Variants in SUN2 observed in about 807,000 individuals in gnomAD.
The protein encoded by SUN2 is SUN domain-containing protein 2.
SUN2 carries 60 observed loss-of-function variants against 100.0 expected under a neutral mutation model. The observed-to-expected ratio is 0.60, with a 90% CI of 0.49 to 0.74. SUN2 has a LOEUF of 0.74. Ranked by LOEUF, SUN2 falls within the 30% of genes least tolerant of loss-of-function variation. The pLI is 0.00. For synonymous variants in SUN2, 367 were observed against 403.3 expected, an observed-to-expected ratio of 0.91 and a Z score of 1.08; for missense variants, 834 against 954.6, an observed-to-expected ratio of 0.87 and a Z score of 1.66.
rs775442033 is a variant in SUN2 at position 38,738,773 on chromosome 22, A to G, written c.1780-19T>C. 5 of 1,611,638 alleles carry G rather than the reference A, an allele frequency of 3.1e-6. No individual in the cohort carries two copies. The highest frequency in any genetic ancestry group is 4.2e-6 in the Non-Finnish European group (5 of 1,178,710). The stretch of plus-strand genomic sequence containing the variant: ...CATCTGGCTGGAGGAGCAGAAAGTC[A>G]TGTCAGGACAGGGCCCTGAGTCCAG... On this transcript the variant is annotated intron_variant, in intron 15 of 17. Coordinates refer to ENST00000689035, the MANE Select transcript of SUN2 (RefSeq NM_015374.3). This position sits in a 1 kb window ranked among gnomAD's most constrained non-coding sequence, Gnocchi z 6.6.
chr22:38,745,575 G>A lies in SUN2; in HGVS notation c.813+109C>T, dbSNP rs138795703. ...CTTGTAAGATGGCAACTAACAGTAC[G>A]CCTCAGCTTTGTGTGTACGGTGTGA... On this transcript the variant is annotated intron_variant, in intron 8 of 17. Coordinates refer to ENST00000689035, the MANE Select transcript of SUN2 (RefSeq NM_015374.3). 3.7e-4 allele frequency: 521 copies of A among 1,405,674 alleles called. No individual in the cohort carries two copies. In the African/African-American group the frequency reaches 4.0e-3, roughly 11 times the overall value. The allele number at this position is 1,405,674 out of a possible 1,614,324, so 87.1% of individuals were successfully genotyped here.
chr22:38,738,724 A>G lies in SUN2; in HGVS notation c.1810T>C (p.Phe604Leu). The change falls in exon 16 of 18, where the codon TTC (phenylalanine) becomes CTC (leucine). Residue 604 changes from phenylalanine to leucine, a missense_variant. Physicochemically the swap from Phe to Leu is conservative, Grantham distance 22. Around this residue, in one of 3 missense-constraint regions of SUN2, gnomAD observed 195 missense variants for 280.2 expected, o/e 0.70. Transcript: ENST00000689035. This position sits in a 1 kb window ranked among gnomAD's most constrained non-coding sequence, Gnocchi z 6.6. ...ACGGCGAAGCCTTGTGGCCCCTGGA[A>G]GGCCCAGCAGTTGCCTGGGTGCACA... ...PDVHPGNCWA[F>L]QGPQGFAVVR... 6.2e-7 allele frequency: 1 copy of G among 1,613,618 alleles called. No individual in the cohort carries two copies. The highest frequency in any genetic ancestry group is 2.2e-5 in the East Asian group (1 of 44,868).
intron 7 of SUN2, among the ~76,000 whole-genome samples, chr22:38,746,741 CACTG>C (rs1416244126): frequency 1.3e-5 from 2 of 152,240 alleles, no homozygotes; most frequent in East Asian, 1.9e-4. Flanking sequence ...TATAAAGAAT[CACTG>C]ACTGGGCCGG....
chr22:38,739,556 T>G lies in SUN2; in HGVS notation c.1579-130A>C. ...TGCACTGTGCTGGTGCCCAGGCAGA[T>G]GTGGGCACACTGCCACCCACCCATG... On this transcript the variant is annotated intron_variant, in intron 13 of 17. Transcript: ENST00000689035. The surrounding 1 kb of genome is among the most constrained non-coding windows in gnomAD (Gnocchi z 6.7). The G allele has an allele frequency of 7.7e-7, 1 of 1,303,432 alleles. No individual in the cohort carries two copies. Among genetic ancestry groups the G allele is most frequent in the Non-Finnish European group, 1.1e-6 (1 of 923,870 alleles). 80.7% of individuals were successfully genotyped at this position (1,303,432 alleles called of 1,614,324 possible).
At chr22:38,754,419 G>C (rs1376256015) in intron 1 of SUN2, among the ~76,000 whole-genome samples, 2 of 152,246 alleles carry the variant, frequency 1.3e-5, no homozygotes, top group Non-Finnish European at 2.9e-5. Flanking sequence ...AGTCCAGCTA[G>C]AAAGTCCTCC....
chr22:38,750,611 G>A (rs2092937805), intron 4 of SUN2, among the ~76,000 whole-genome samples: 1 of 152,380 alleles, frequency 6.6e-6, no homozygotes, highest in Non-Finnish European at 1.5e-5. Flanking sequence ...CCCACCATGT[G>A]TGAGCCCCAC....
chr22:38,736,351 C>T lies in SUN2; in HGVS notation c.2070G>A (p.Val690=), dbSNP rs1180778648. 6.2e-7 allele frequency: 1 copy of T among 1,613,952 alleles called. No homozygotes were observed. The highest frequency in any genetic ancestry group is 1.1e-5 in the South Asian group (1 of 91,070). Residue 690 remains valine (V), a synonymous_variant, in exon 18 of 18, where the codon GTG becomes GTA. Transcript: ENST00000689035. Reference sequence around the variant, plus strand: ...CCCAGTTAGTCAGGATCCGCAGCTCCACCACCTGGTACGTGGCCATCGTAG... The same window carrying T: ...CCCAGTTAGTCAGGATCCGCAGCTCTACCACCTGGTACGTGGCCATCGTAG... ...QAPTMATYQV[V]ELRILTNWGH...
rs1569296685 is a variant in SUN2, at chr22:38,740,346, GCC to G, written c.1275_1276del (p.Ala426GlyfsTer115). On this transcript the variant is annotated frameshift_variant, in exon 12 of 18. Coordinates refer to ENST00000689035, the MANE Select transcript of SUN2 (RefSeq NM_015374.3). LOFTEE classifies it high-confidence loss of function. The surrounding 1 kb of genome is among the most constrained non-coding windows in gnomAD (Gnocchi z 4.8). ...CGAGCTCTGCTTCAGTGCCAGAGCC[GCC>G]AGCTCCTGCTGCAGGCCGGCCAGCT... 1 of 1,585,776 alleles carries G rather than the reference GCC, an allele frequency of 6.3e-7. No individual in the cohort carries two copies. The highest frequency in any genetic ancestry group is 8.6e-7 in the Non-Finnish European group (1 of 1,166,482).
chr22:38,742,705 T>C, intron 8 of SUN2, 150 bp from the exon 9 acceptor site: 1 of 1,049,278 alleles, frequency 9.5e-7, no homozygotes, highest in Non-Finnish European at 1.3e-6. Context: ...CTGGAGCTCG[T>C]GGGCAGGGGC....
Position 38,755,405 on chromosome 22 carries a change from A to G in SUN2, c.-38+358T>C. 1 of 1,003,020 alleles carries G rather than the reference A, an allele frequency of 1.0e-6. No homozygotes were observed. The allele number at this position is 1,003,020 out of a possible 1,614,324, so 62.1% of individuals were successfully genotyped here. ...TGAGGCCCTGAGTTCTGACAGGCAG[A>G]GGCTGGGAACTGCCTGTCCCTGGAA... is the stretch of plus-strand genomic sequence containing the variant. On this transcript the variant is annotated intron_variant, in intron 1 of 17. Coordinates refer to ENST00000689035, the MANE Select transcript of SUN2 (RefSeq NM_015374.3). This position sits in a 1 kb window ranked among gnomAD's most constrained non-coding sequence, Gnocchi z 5.7.
chr22:38,745,811 C>T lies in SUN2; in HGVS notation c.686G>A (p.Gly229Asp). ...CCCATAGGGGTAGAAATACCAAGCA[C>T]CTGTGCACAGGGGAGAGGGTGTTAC... ...PLLLLTCLTY[G>D]AWYFYPYGLQ... Residue 229 changes from glycine (G) to aspartate (D), a missense_variant and splice_region_variant, in exon 8 of 18, where the codon GGT becomes GAT. Gly to Asp is a moderately conservative substitution (Grantham distance 94). Transcript: ENST00000689035. The T allele has an allele frequency of 6.2e-7, 1 of 1,613,754 alleles. No homozygotes were observed. The highest frequency in any genetic ancestry group is 8.5e-7 in the Non-Finnish European group (1 of 1,179,920).
intron 9 of SUN2, 54 bp downstream of exon 9, chr22:38,742,247 A>C: frequency 6.5e-7 from 1 of 1,529,802 alleles, no homozygotes; most frequent in Non-Finnish European, 8.8e-7. Flanking sequence ...GGGCACCTTC[A>C]CGCTTTCCTA....
Position 38,740,040 on chromosome 22 carries a change from G to A in SUN2, c.1357-97C>T, listed in dbSNP as rs1191966522. On this transcript the variant is annotated intron_variant, in intron 12 of 17. Transcript: ENST00000689035. The surrounding 1 kb of genome is among the most constrained non-coding windows in gnomAD (Gnocchi z 4.8). The stretch of plus-strand genomic sequence containing the variant: ...TGCTTAGCTGGATAGCAGGGATAGG[G>A]TAGGAGGGAGGCCACTGGAGGAAAG... 7 of 1,400,526 alleles carry A rather than the reference G, an allele frequency of 5.0e-6. No homozygotes were observed. Among genetic ancestry groups the A allele is most frequent in the Non-Finnish European group, 6.8e-6 (7 of 1,027,936 alleles). 86.8% of individuals were successfully genotyped at this position (1,400,526 alleles called of 1,614,324 possible). A position where few individuals can be genotyped will look rare whatever the true frequency, so the allele number is the denominator to read the frequency against.
chr22:38,742,565 CAG>C lies in SUN2; in HGVS notation c.814-12_814-11del, dbSNP rs747049348. The stretch of plus-strand genomic sequence containing the variant: ...TAACACGCTGCTCAGCCTGGAAGGG[CAG>C]AGAGAGAGCCACGGAGTGAGGGACC... On this transcript the variant is annotated splice_polypyrimidine_tract_variant and intron_variant, in intron 8 of 17. Coordinates refer to ENST00000689035, the MANE Select transcript of SUN2 (RefSeq NM_015374.3). The C allele has an allele frequency of 1.2e-6, 2 of 1,602,144 alleles. No individual in the cohort carries two copies. The highest frequency in any genetic ancestry group is 8.5e-7 in the Non-Finnish European group (1 of 1,172,628).
chr22:38,738,259 C>G lies in SUN2; in HGVS notation c.1954G>C (p.Asp652His). ...APKDFAIFGF[D>H]EDLQQEGTLL... ...GTCCCCTCCTGCTGCAGGTCTTCGT[C>G]AAACCCCTGCAAAGAGAGCGGAGGG... The change falls in exon 17 of 18, where the codon GAC (aspartate) becomes CAC (histidine). Residue 652 changes from aspartate to histidine, a missense_variant. By Grantham distance (81) the Asp-to-His change is moderately conservative. This residue lies in a region of SUN2 where 195 missense variants were observed against 280.2 expected (regional missense o/e 0.70). Transcript: ENST00000689035. This position sits in a 1 kb window ranked among gnomAD's most constrained non-coding sequence, Gnocchi z 6.6. The G allele has an allele frequency of 6.2e-7, 1 of 1,613,614 alleles. No homozygotes were observed. Among genetic ancestry groups the G allele is most frequent in the Non-Finnish European group, 8.5e-7 (1 of 1,179,834 alleles).
chr22:38,739,060 C>T lies in SUN2; in HGVS notation c.1664-72G>A. 6.9e-7 allele frequency: 1 copy of T among 1,450,722 alleles called. No individual in the cohort carries two copies. The highest frequency in any genetic ancestry group is 2.5e-5 in the East Asian group (1 of 40,642). The allele number at this position is 1,450,722 out of a possible 1,614,324, so 89.9% of individuals were successfully genotyped here. On this transcript the variant is annotated intron_variant, in intron 14 of 17. Coordinates refer to ENST00000689035, the MANE Select transcript of SUN2 (RefSeq NM_015374.3). This position sits in a 1 kb window ranked among gnomAD's most constrained non-coding sequence, Gnocchi z 6.7. ...GCCCCGCTCAGGCCATTGGCTGTCT[C>T]CTCGCTGAAGGTGGACGGCAGATGC...
At position 38,740,071 on chromosome 22, in the gene SUN2, T is replaced by A; in HGVS notation, c.1357-128A>T. 1 of 1,261,404 alleles carries A rather than the reference T, an allele frequency of 7.9e-7. No homozygotes were observed. 78.1% of individuals were successfully genotyped at this position (1,261,404 alleles called of 1,614,324 possible). A position where few individuals can be genotyped will look rare whatever the true frequency, so the allele number is the denominator to read the frequency against. ...GGGAGGCCACTGGAGGAAAGAGTTA[T>A]GAACACTCCATGGGCACTAACAAAA... On this transcript the variant is annotated intron_variant, in intron 12 of 17. Transcript: ENST00000689035. The surrounding 1 kb of genome is among the most constrained non-coding windows in gnomAD (Gnocchi z 4.8).
rs1291567672 is a variant in SUN2 at position 38,751,362 on chromosome 22, CTCT to C, written c.131_133del (p.Lys44del). 1 of 1,613,720 alleles carries C rather than the reference CTCT, an allele frequency of 6.2e-7. No individual in the cohort carries two copies. The highest frequency in any genetic ancestry group is 1.7e-5 in the Admixed American group (1 of 60,012). ...CAGGCGCTTCATGTTGCTGGATTTCCTCTTCAAGGTCCTGTGGGACAACCATGA... is the reference window on the plus strand; with the variant it reads ...CAGGCGCTTCATGTTGCTGGATTTCCTCAAGGTCCTGTGGGACAACCATGA... On this transcript the variant is annotated inframe_deletion, in exon 3 of 18. Coordinates refer to ENST00000689035, the MANE Select transcript of SUN2 (RefSeq NM_015374.3).
intron 17 of SUN2, 91 bp from the exon 18 acceptor site, chr22:38,736,471 GC>G: frequency 1.9e-6 from 2 of 1,026,532 alleles, no homozygotes; most frequent in Non-Finnish European, 2.8e-6. Context: ...CTCGCCTAGG[GC>G]CAGATGGCTC....
Sources: allele counts gnomAD v4.1 joint callset (sites outside exome capture counted in the v4.1 genomes callset), GRCh38; gene constraint gnomAD v4.1.1; regional missense constraint gnomAD v4.1.1; non-coding constraint Gnocchi (gnomAD v3.1); transcripts MANE v1.5; gene names NCBI Gene and HGNC (gene_info 2026-07-23, HGNC 2026-07-21).